MAGEC3: variants seen among roughly 807,000 people sequenced by gnomAD.
MAGEC3 encodes the protein melanoma-associated antigen C3.
Under a neutral mutation model 35.3 loss-of-function variants are expected in MAGEC3, and 34 were observed. The observed-to-expected ratio is 0.96, with a 90% CI of 0.73 to 1.28. The LOEUF is 1.28. MAGEC3 is among the 50% of genes most tolerant of loss of function. The probability of loss-of-function intolerance (pLI) is 0.00; values close to 1 mark genes in which losing one functional copy is unlikely to be tolerated. For synonymous variants in MAGEC3, 202 were observed against 185.6 expected, an observed-to-expected ratio of 1.09 and a Z score of -0.72; for missense variants, 561 against 483.6, an observed-to-expected ratio of 1.16 and a Z score of -1.50.
At chrX:141,863,302 T>C (rs997846849) in intron 1 of MAGEC3, among the ~76,000 whole-genome samples, 1 of 111,020 alleles carries the variant, frequency 9.0e-6, no homozygotes, top group African/African-American at 3.3e-5. Context: ...AAGTTGTTGT[T>C]GGAGGTTCGT....
At chrX:141,860,192 G>T (rs2017806531) in intron 1 of MAGEC3, among the ~76,000 whole-genome samples, 1 of 111,834 alleles carries the variant, frequency 8.9e-6, no homozygotes, top group South Asian at 3.7e-4. Context: ...GGTAGGATGT[G>T]CTCTGATTCC....
intron 4 of MAGEC3, among the ~76,000 whole-genome samples, chrX:141,889,790 G>T (rs184763856): frequency 8.9e-6 from 1 of 112,183 alleles, no homozygotes; most frequent in African/African-American, 3.2e-5. Context: ...TCCACAGCCT[G>T]CCAAGGGGTT....
intron 2 of MAGEC3, among the ~76,000 whole-genome samples, chrX:141,870,558 A>C (rs2017881439): frequency 9.0e-6 from 1 of 111,478 alleles, no homozygotes; most frequent in Non-Finnish European, 1.9e-5. Flanking sequence ...ACTTTATTTT[A>C]TTTAATTTTA....
At chrX:141,851,757 G>T (rs900541084) in intron 1 of MAGEC3, among the ~76,000 whole-genome samples, 1 of 111,076 alleles carries the variant, frequency 9.0e-6, no homozygotes, top group East Asian at 2.8e-4. Context: ...GACCACAAAT[G>T]TGTGAATTTA....
chrX:141,873,284 C>T (rs1049430016), intron 2 of MAGEC3, among the ~76,000 whole-genome samples: 1 of 110,833 alleles, frequency 9.0e-6, no homozygotes, highest in African/African-American at 3.3e-5. Flanking sequence ...AGGCATACTC[C>T]CTGAGTCTGC....
In MAGEC3 at chrX:141,879,250, T is replaced by C; in HGVS notation, c.334T>C (p.Phe112Leu). The change falls in exon 3 of 8, where the codon TTT becomes CTT. Residue 112 changes from phenylalanine to leucine, a missense_variant. Transcript: ENST00000298296. ...TTTTGGGAGTCAGCCGGAGGGGAAG[T>C]TTTCTCTGAGGAGGGCAGTTTCAGT... ...LHFGSQPEGK[F>L]SLRRAVSVKQ... 8.3e-7 allele frequency: 1 copy of C among 1,204,204 alleles called. No homozygotes were observed. The highest frequency in any genetic ancestry group is 1.8e-5 in the South Asian group (1 of 55,644).
Position 141,879,269 on chromosome X carries a change from T to C in MAGEC3, c.353T>C (p.Val118Ala), listed in dbSNP as rs2017941698. Residue 118 changes from valine (V) to alanine (A), a missense_variant, in exon 3 of 8, where the codon GTT becomes GCT. Coordinates refer to ENST00000298296, the MANE Select transcript of MAGEC3 (RefSeq NM_138702.1). ...GGGAAGTTTTCTCTGAGGAGGGCAG[T>C]TTCAGTTAAGCAGAGGGAGGAACCC... is the stretch of plus-strand genomic sequence containing the variant. ...PEGKFSLRRA[V>A]SVKQREEPQD... The C allele has an allele frequency of 5.8e-6, 7 of 1,203,709 alleles. No homozygotes were observed. The highest frequency in any genetic ancestry group is 2.3e-4 in the Middle Eastern group (1 of 4,309).
At chrX:141,879,522 G>C (rs1215992419) in intron 3 of MAGEC3, 91 bp downstream of exon 3, 2 of 1,036,317 alleles carry the variant, frequency 1.9e-6, no homozygotes, top group Non-Finnish European at 2.6e-6. Flanking sequence ...GGAAAGGGTC[G>C]GGGAGGTAGG....
intron 4 of MAGEC3, 117 bp from the exon 5 acceptor site, chrX:141,895,152 G>T (rs1311740835): frequency 1.4e-5 from 12 of 860,537 alleles, no homozygotes; most frequent in Middle Eastern, 4.4e-4. Context: ...GCGCTGAGGA[G>T]GGCAGGAAGA....
chrX:141,879,187 C>T lies in MAGEC3; in HGVS notation c.271C>T (p.Leu91=), dbSNP rs2017940564. The T allele has an allele frequency of 2.5e-6, 3 of 1,188,914 alleles. No homozygotes were observed. The highest frequency in any genetic ancestry group is 3.4e-6 in the Non-Finnish European group (3 of 883,338). ...TGCCTGCTGCCAGCTCTGGAGGACC[C>T]TATCAGGGTCCCCAGGTTTACAACT... The part of the protein sequence containing the change: ...CPTYFKLWRT[L]SGSPGLQLSD... Residue 91 remains leucine (L), a synonymous_variant, in exon 3 of 8, where the codon CTA becomes TTA. Coordinates refer to ENST00000298296, the MANE Select transcript of MAGEC3 (RefSeq NM_138702.1).
intron 4 of MAGEC3, among the ~76,000 whole-genome samples, chrX:141,882,028 A>G (rs747797732): frequency 5.4e-5 from 6 of 111,740 alleles, no homozygotes; most frequent in Admixed American, 9.5e-5. Flanking sequence ...TCTTCCAAGG[A>G]TGCTTTGAAA....
chrX:141,897,219 CAAG>C lies in MAGEC3; in HGVS notation c.1465_1467del (p.Lys489del). ...AGGCAGAGATGCTGACGACTGTCAT[CAAG>C]AAGTATAAGGACTATTTTCCCATGA... On this transcript the variant is annotated inframe_deletion, in exon 7 of 8. Transcript: ENST00000298296. The C allele has an allele frequency of 1.7e-6, 2 of 1,211,915 alleles. No individual in the cohort carries two copies. The highest frequency in any genetic ancestry group is 2.2e-6 in the Non-Finnish European group (2 of 895,523).
rs1464925848 is a variant in MAGEC3 at position 141,838,350 on chromosome X, C to A, written c.35C>A (p.Thr12Asn). The change falls in exon 1 of 8, where the codon ACC becomes AAC. Residue 12 changes from threonine (T) to asparagine (N), a missense_variant. Coordinates refer to ENST00000298296, the MANE Select transcript of MAGEC3 (RefSeq NM_138702.1). ...LLPCHWVLDA[T>N]FSDGSLGQWV... is the part of the protein sequence containing the mutation. ...CCCTGCCACTGGGTGTTGGATGCCA[C>A]CTTCAGTGATGGCAGTCTAGGCCAG... is the stretch of plus-strand genomic sequence containing the variant. The A allele has an allele frequency of 2.5e-6, 3 of 1,209,393 alleles. No individual in the cohort carries two copies. The highest frequency in any genetic ancestry group is 3.5e-5 in the African/African-American group (2 of 57,282).
chrX:141,842,381 C>T (rs1222122874), intron 1 of MAGEC3, among the ~76,000 whole-genome samples: 1 of 111,465 alleles, frequency 9.0e-6, no homozygotes, highest in Non-Finnish European at 1.9e-5. Flanking sequence ...TTTCAGATGT[C>T]TGTTCTTACT....
chrX:141,881,733 G>A lies in MAGEC3; in HGVS notation c.846G>A (p.Val282=), dbSNP rs768218378. The A allele has an allele frequency of 8.3e-7, 1 of 1,209,711 alleles. No individual in the cohort carries two copies. The highest frequency in any genetic ancestry group is 2.2e-5 in the Admixed American group (1 of 45,745). Residue 282 remains valine (V), a synonymous_variant, in exon 4 of 8, where the codon GTG becomes GTA. Transcript: ENST00000298296. ...GCCTCCTGATTCTTATTCTGAGTGT[G>A]ATCTTCATAAAGGGCAACTGTGCAT... The part of the protein sequence containing the change: ...QNRLLILILS[V]IFIKGNCASE...
chrX:141,896,555 A>G, intron 6 of MAGEC3: 1 of 1,189,817 alleles, frequency 8.4e-7, no homozygotes, highest in South Asian at 1.9e-5. Context: ...TCTCAGCTGA[A>G]GCTACTCACA....
chrX:141,852,793 G>A (rs1309373893), intron 1 of MAGEC3, among the ~76,000 whole-genome samples: 2 of 110,993 alleles, frequency 1.8e-5, no homozygotes, highest in African/African-American at 6.5e-5. Flanking sequence ...ATTTGGTCTT[G>A]TCATATTACT....
intron 1 of MAGEC3, among the ~76,000 whole-genome samples, chrX:141,864,183 A>C (rs1475144448): frequency 9.1e-6 from 1 of 109,912 alleles, no homozygotes; most frequent in Non-Finnish European, 1.9e-5. Flanking sequence ...ATAAACATTC[A>C]TGTATAGGTT....
At chrX:141,878,247 C>T (rs1326707040) in intron 2 of MAGEC3, among the ~76,000 whole-genome samples, 2 of 107,126 alleles carry the variant, frequency 1.9e-5, no homozygotes, top group African/African-American at 3.6e-5. Context: ...GGTGAAGTGC[C>T]GTTCTTATCA....
Sources: allele counts gnomAD v4.1 joint callset (sites outside exome capture counted in the v4.1 genomes callset), GRCh38; gene constraint gnomAD v4.1.1; transcripts MANE v1.5; gene names NCBI Gene and HGNC (gene_info 2026-07-23, HGNC 2026-07-21).